SLC2A14: variants seen among roughly 807,000 people sequenced by gnomAD.
SLC2A14 encodes solute carrier family 2 member 14.
SLC2A14 carries 13 observed loss-of-function variants against 43.0 expected under a neutral mutation model. The ratio of observed to expected loss-of-function variants is 0.30; its 90% confidence interval spans 0.20 to 0.48. SLC2A14 has a LOEUF of 0.48. Among genes scored for constraint, SLC2A14 ranks in the 20% least tolerant of loss-of-function variants. The probability of loss-of-function intolerance (pLI) is 0.99; values close to 1 mark genes in which losing one functional copy is unlikely to be tolerated. For synonymous variants in SLC2A14, 190 were observed against 233.8 expected (o/e 0.81, Z 1.71); for missense variants, 428 against 620.4 (o/e 0.69, Z 3.29).
chr12:7,860,149 G>A (rs1162212848), intron 2 of SLC2A14, among the ~76,000 whole-genome samples: 1 of 152,080 alleles, frequency 6.6e-6, no homozygotes, highest in Non-Finnish European at 1.5e-5. Context: ...CCCAGTACTG[G>A]CCCTGGAGAA....
chr12:7,837,402 G>T (rs1182491390), intron 2 of SLC2A14, among the ~76,000 whole-genome samples: 1 of 152,108 alleles, frequency 6.6e-6, no homozygotes. Context: ...ATCTTTGGGA[G>T]GCCAAGGCAG....
chr12:7,839,890 C>G (rs1290135913), intron 2 of SLC2A14: 8 of 421,296 alleles, frequency 1.9e-5, no homozygotes, highest in Non-Finnish European at 1.8e-5. Flanking sequence ...CCCTTTTGGA[C>G]CAGCCTGGGC....
chr12:7,860,389 C>G (rs2159898), intron 2 of SLC2A14: 19,811 of 152,108 alleles, frequency 0.13, 1,416 homozygotes, highest in East Asian at 0.27. Flanking sequence ...GCCATGTCCT[C>G]CTGGCCATTC....
chr12:7,882,241 T>C (rs1238685198), intron 1 of SLC2A14, among the ~76,000 whole-genome samples: 17 of 147,838 alleles, frequency 1.1e-4, no homozygotes, highest in African/African-American at 2.6e-5. Context: ...AAACGAACGA[T>C]TCCAGACGGG....
rs375774869 is a variant in SLC2A14 at position 7,814,396 on chromosome 12, C to T, written c.1414G>A (p.Gly472Ser). ...CCGTCCTTCCCAGATCTATCTGCAC[C>T]GTGTGCCTGCCCTTCAAAGGCCCGT... is the stretch of plus-strand genomic sequence containing the variant. ...ITRAFEGQAH[G>S]ADRSGKDGVM... The change falls in exon 11 of 11, where the codon GGT becomes AGT. Residue 472 changes from glycine (G) to serine (S), a missense_variant. Gly to Ser is a moderately conservative substitution (Grantham distance 56, BLOSUM62 0). This residue lies in a region of SLC2A14 where 119 missense variants were observed against 188.7 expected (regional missense o/e 0.63). Transcript: ENST00000431042. 7.4e-6 allele frequency: 12 copies of T among 1,612,954 alleles called. No homozygotes were observed. The highest frequency in any genetic ancestry group is 4.0e-5 in the African/African-American group (3 of 74,750).
At chr12:7,845,042 TAAGTTGTG>T (rs1866347596) in intron 2 of SLC2A14, among the ~76,000 whole-genome samples, 1 of 152,138 alleles carries the variant, frequency 6.6e-6, no homozygotes, top group Non-Finnish European at 1.5e-5. Flanking sequence ...AGAATATTAA[TAAGTTGTG>T]AATTACGACT....
rs1338762655 is a variant in SLC2A14 at position 7,814,198 on chromosome 12, G to T, written c.*118C>A. ...GGTGCTCATGGAGTGCGTGGGATGA[G>T]AAAGAAATCAAGTAGCAGCATTCAG... On this transcript the variant is annotated 3_prime_UTR_variant, in exon 11 of 11. Transcript: ENST00000431042. 5.0e-5 allele frequency: 75 copies of T among 1,504,760 alleles called. No individual in the cohort carries two copies. The highest frequency in any genetic ancestry group is 6.2e-5 in the Non-Finnish European group (69 of 1,117,056). 93.2% of individuals were successfully genotyped at this position (1,504,760 alleles called of 1,614,324 possible). A position where few individuals can be genotyped will look rare whatever the true frequency, so the allele number is the denominator to read the frequency against.
At chr12:7,885,177 A>G (rs1047833158) in intron 1 of SLC2A14, among the ~76,000 whole-genome samples, 4 of 152,220 alleles carry the variant, frequency 2.6e-5, no homozygotes, top group Admixed American at 6.5e-5. Flanking sequence ...AGAAAAAATA[A>G]TAACTAAAAA....
chr12:7,827,283 T>C (rs1433273670), intron 7 of SLC2A14, among the ~76,000 whole-genome samples: 3 of 146,878 alleles, frequency 2.0e-5, no homozygotes, highest in Non-Finnish European at 1.5e-5. Context: ...TTTTTTTTTT[T>C]TTTTTTTTTA....
At chr12:7,830,819 T>A (rs1013479615) in intron 4 of SLC2A14, among the ~76,000 whole-genome samples, 3 of 152,104 alleles carry the variant, frequency 2.0e-5, no homozygotes. Context: ...TAAGCTAGTA[T>A]AAAATAAGAA....
At chr12:7,846,634 A>AT (rs1866487653) in intron 2 of SLC2A14, among the ~76,000 whole-genome samples, 4 of 121,814 alleles carry the variant, frequency 3.3e-5, no homozygotes, top group Non-Finnish European at 5.5e-5. Context: ...GAATATTCAT[A>AT]ATTTTTTTTT....
chr12:7,828,257 C>T lies in SLC2A14; in HGVS notation c.676+447G>A, dbSNP rs570057465. ...GCGCGCACCTGTAGTCCCAGCTACTCGGGAGGCTAAGGCAGGAGAATCACT... is the reference window on the plus strand; with the variant it reads ...GCGCGCACCTGTAGTCCCAGCTACTTGGGAGGCTAAGGCAGGAGAATCACT... On this transcript the variant is annotated intron_variant, in intron 6 of 10. Coordinates refer to ENST00000431042, the MANE Select transcript of SLC2A14 (RefSeq NM_001286234.2). 2.6e-4 allele frequency among the ~76,000 whole-genome samples: 40 copies of T among 151,786 alleles called. 1 individual carries two copies. The highest frequency in any genetic ancestry group is 6.3e-3 in the Middle Eastern group (2 of 316).
intron 2 of SLC2A14, among the ~76,000 whole-genome samples, chr12:7,859,925 A>G (rs1204781074): frequency 1.3e-5 from 2 of 152,148 alleles, no homozygotes; most frequent in African/African-American, 4.8e-5. Flanking sequence ...TTGAAAGATG[A>G]AAAGAATTTT....
chr12:7,879,330 C>CAAACA (rs1555149804), intron 1 of SLC2A14, among the ~76,000 whole-genome samples: 37,504 of 144,600 alleles, frequency 0.26, 5,079 homozygotes, highest in South Asian at 0.35. Flanking sequence ...CAAACAACAA[C>CAAACA]AAAAAAAAAC....
At chr12:7,874,857 T>A (rs1210598115), upstream of SLC2A14, among the ~76,000 whole-genome samples, 4 of 109,810 alleles carry the variant, frequency 3.6e-5, no homozygotes, top group African/African-American at 1.4e-4. Context: ...ATATATAAAT[T>A]ATATATAAAT....
rs1555121668 is a variant in SLC2A14, at chr12:7,826,861, T to TTTTTTCTTTCTTTC, written c.864+633_864+634insGAAAGAAAGAAAAA. On this transcript the variant is annotated intron_variant, in intron 7 of 10. Transcript: ENST00000431042. ...TCCTTCCTTCCTTCCTTCCTTTCTT[T>TTTTTTCTTTCTTTC]TTTCTTTCTTTCTTTCTTTCTTTCT... 1.1e-3 allele frequency among the ~76,000 whole-genome samples: 68 copies of TTTTTTCTTTCTTTC among 60,320 alleles called. 2 individuals carry two copies. Among genetic ancestry groups the TTTTTTCTTTCTTTC allele is most frequent in the Middle Eastern group, 7.5e-3 (1 of 134 alleles). The allele number at this position is 60,320 out of a possible 152,430, so 39.6% of individuals were successfully genotyped here.
At chr12:7,828,969 T>G in intron 5 of SLC2A14, 103 bp from the exon 6 acceptor site, 1 of 1,410,480 alleles carries the variant, frequency 7.1e-7, no homozygotes, top group Non-Finnish European at 9.6e-7. Flanking sequence ...ACGCCTGTAA[T>G]TCCAGCACTT....
At chr12:7,866,438 C>T (rs1321164551) in intron 2 of SLC2A14, among the ~76,000 whole-genome samples, 2 of 151,954 alleles carry the variant, frequency 1.3e-5, no homozygotes, top group East Asian at 3.9e-4. Flanking sequence ...GATCTCAGCT[C>T]ACTGCAACCT....
intron 5 of SLC2A14, 90 bp from the exon 6 acceptor site, chr12:7,828,956 C>T (rs1465371565): frequency 2.0e-5 from 29 of 1,486,430 alleles, no homozygotes; most frequent in Non-Finnish European, 2.5e-5. Context: ...GGCGCAGTAG[C>T]TTACGCCTGT....
Sources: gnomAD v4.1 joint callset for allele counts (sites outside exome capture counted in the v4.1 genomes callset) on GRCh38, gnomAD v4.1.1 for gene constraint, gnomAD v4.1.1 regional missense constraint, MANE v1.5 for transcripts, NCBI Gene and HGNC (gene_info 2026-07-23, HGNC 2026-07-21) for gene names.